Variants in KIF3A observed in about 807,000 individuals in gnomAD.
KIF3A encodes kinesin family member 3A.
A neutral mutation model predicts 92.6 loss-of-function variants in KIF3A; 27 were observed. The observed-to-expected ratio is 0.29, with a 90% CI of 0.21 to 0.40. The LOEUF (loss-of-function observed/expected upper bound fraction) is 0.40, where lower values mean the gene tolerates loss of function less well. Ranked by LOEUF, KIF3A falls within the 10% of genes least tolerant of loss-of-function variation. The pLI is 1.00. For missense variants in KIF3A, 581 were observed against 872.6 expected (o/e 0.67, Z 4.21); for synonymous variants, 250 against 275.4 (o/e 0.91, Z 0.92).
chr5:132,727,404 T>C (rs1157360464), intron 2 of KIF3A, among the ~76,000 whole-genome samples: 1 of 152,046 alleles, frequency 6.6e-6, no homozygotes, highest in African/African-American at 2.4e-5. Context: ...GGAATTGTAA[T>C]GGGAAAAAGG....
chr5:132,725,653 A>C (rs1754010322), intron 4 of KIF3A, among the ~76,000 whole-genome samples: 1 of 152,214 alleles, frequency 6.6e-6, no homozygotes, highest in Non-Finnish European at 1.5e-5. Flanking sequence ...GGAAGATTAA[A>C]TGAAATAAAT....
chr5:132,720,935 G>C (rs1399430895), intron 4 of KIF3A, among the ~76,000 whole-genome samples: 4 of 152,086 alleles, frequency 2.6e-5, no homozygotes, highest in African/African-American at 9.7e-5. Context: ...GAAAAATACA[G>C]AAAAAGTACA....
intron 2 of KIF3A, among the ~76,000 whole-genome samples, chr5:132,733,306 T>G (rs1004695531): frequency 1.3e-5 from 2 of 152,184 alleles, no homozygotes; most frequent in African/African-American, 4.8e-5. Context: ...CCTAAAGAAA[T>G]CAATTTCATC....
intron 15 of KIF3A, among the ~76,000 whole-genome samples, chr5:132,701,566 G>T (rs1050035624): frequency 1.3e-5 from 2 of 150,628 alleles, no homozygotes; most frequent in Non-Finnish European, 3.0e-5. Context: ...ACAAATTTTG[G>T]ATTAAAAAAA....
Position 132,724,809 on chromosome 5 carries a change from A to AAAAAT in KIF3A, c.510+1318_510+1319insATTTT, listed in dbSNP as rs1385956122. 5.8e-3 allele frequency among the ~76,000 whole-genome samples: 61 copies of AAAAAT among 10,502 alleles called. 3 individuals are homozygous for AAAAAT. The highest frequency in any genetic ancestry group is 0.013 in the Non-Finnish European group (52 of 3,966). 6.9% of individuals were successfully genotyped at this position (10,502 alleles called of 152,430 possible). ...AAGTATAATAAAAAAAAAAAAAAAT[A>AAAAAT]TATATATATATATATATATATATAT... is the stretch of plus-strand genomic sequence containing the variant. On this transcript the variant is annotated intron_variant, in intron 4 of 18. Transcript: ENST00000403231.
intron 17 of KIF3A, among the ~76,000 whole-genome samples, chr5:132,699,809 G>A (rs185139395): frequency 8.5e-5 from 13 of 152,062 alleles, no homozygotes; most frequent in Non-Finnish European, 1.5e-4. Context: ...TGATCCACCC[G>A]CCTCGGCCTC....
At chr5:132,722,738 C>T (rs1051537520) in intron 4 of KIF3A, among the ~76,000 whole-genome samples, 5 of 152,176 alleles carry the variant, frequency 3.3e-5, no homozygotes, top group Non-Finnish European at 7.3e-5. Context: ...TGCTTTATTT[C>T]GCTCCAAACT....
chr5:132,737,314 A>T, intron 1 of KIF3A, 100 bp downstream of exon 1: 3 of 1,354,422 alleles, frequency 2.2e-6, no homozygotes, highest in Non-Finnish European at 3.0e-6. Context: ...CGCCCCACCC[A>T]GGCCGCCTGC....
At chr5:132,724,806 A>AAAAAATTATAT (rs59476182) in intron 4 of KIF3A, among the ~76,000 whole-genome samples, 16 of 22,690 alleles carry the variant, frequency 7.1e-4, no homozygotes, top group East Asian at 5.2e-3. Flanking sequence ...AAAAAAAAAA[A>AAAAAATTATAT]ATATATATAT....
At position 132,695,162 on chromosome 5, in the gene KIF3A, CTTTATT is replaced by C. The variant is rs1752790431; in HGVS notation, c.*1466_*1471del. 2 of 152,100 alleles carry C rather than the reference CTTTATT, an allele frequency of 1.3e-5. No homozygotes were observed. Among genetic ancestry groups the C allele is most frequent in the South Asian group, 2.1e-4 (1 of 4,824 alleles). The allele number at this position is 152,100 out of a possible 1,614,324, so 9.4% of individuals were successfully genotyped here. ...ATTAAGTGGTTTAGGAGTAGCATAA[CTTTATT>C]TTTATTTTATTTTTATTTTTTGAGG... On this transcript the variant is annotated 3_prime_UTR_variant, in exon 19 of 19. Coordinates refer to ENST00000403231, the MANE Select transcript of KIF3A (RefSeq NM_001300791.2).
rs1752985446 is a variant in KIF3A, at chr5:132,700,199, T to TTTTG, written c.2007+16_2007+17insCAAA. Reference sequence around the variant, plus strand: ...GTAGTTTTGTGTTTTGTTTTGTTTTTTTTTAAGTACTCTTACATCTTTCTC... The same window carrying TTTTG: ...GTAGTTTTGTGTTTTGTTTTGTTTTTTTTGTTTTAAGTACTCTTACATCTTTCTC... On this transcript the variant is annotated intron_variant, in intron 17 of 18. Coordinates refer to ENST00000403231, the MANE Select transcript of KIF3A (RefSeq NM_001300791.2). 1 of 1,448,890 alleles carries TTTTG rather than the reference T, an allele frequency of 6.9e-7. No homozygotes were observed. Among genetic ancestry groups the TTTTG allele is most frequent in the African/African-American group, 1.4e-5 (1 of 70,122 alleles). The allele number at this position is 1,448,890 out of a possible 1,614,324, so 89.8% of individuals were successfully genotyped here.
chr5:132,689,482 A>G (rs1752613151), downstream of KIF3A: 1 of 152,384 alleles, frequency 6.6e-6, no homozygotes, highest in Non-Finnish European at 1.5e-5. Context: ...CAGATATTAT[A>G]GTCCTATCAG....
chr5:132,712,835 A>T (rs549381502), intron 8 of KIF3A, among the ~76,000 whole-genome samples: 26 of 152,334 alleles, frequency 1.7e-4, no homozygotes, highest in African/African-American at 6.3e-4. Flanking sequence ...AATTAGACTG[A>T]AGAACAAGTG....
intron 2 of KIF3A, among the ~76,000 whole-genome samples, chr5:132,727,897 T>C (rs1325173254): frequency 6.6e-6 from 1 of 152,182 alleles, no homozygotes; most frequent in East Asian, 1.9e-4. Context: ...ACCTCAACTT[T>C]TCTCAGACTT....
intron 9 of KIF3A, 53 bp downstream of exon 9, chr5:132,710,906 C>T: frequency 6.2e-7 from 1 of 1,612,346 alleles, no homozygotes; most frequent in Non-Finnish European, 8.5e-7. Context: ...TGCACTCTAC[C>T]ACCTTGTGAA....
chr5:132,713,946 G>C (rs183675257), intron 8 of KIF3A, among the ~76,000 whole-genome samples: 3 of 143,248 alleles, frequency 2.1e-5, no homozygotes, highest in Non-Finnish European at 4.5e-5. Flanking sequence ...ACCCAGGCTG[G>C]AGTGCAGTGG....
intron 4 of KIF3A, among the ~76,000 whole-genome samples, chr5:132,723,923 A>C (rs1753913029): frequency 6.6e-6 from 1 of 152,234 alleles, no homozygotes; most frequent in Non-Finnish European, 1.5e-5. Flanking sequence ...TAATATCCAG[A>C]ATCTACAAAG....
rs1415387919 is a variant in KIF3A, at chr5:132,693,214, G to A, written c.*3420C>T. On this transcript the variant is annotated 3_prime_UTR_variant, in exon 19 of 19. Coordinates refer to ENST00000403231, the MANE Select transcript of KIF3A (RefSeq NM_001300791.2). ...CCTTTCTCCAGAAAGGAAATGAAAT[G>A]GCTTGTCAAATGGATTCTATTCATG... 6.6e-6 allele frequency: 1 copy of A among 151,452 alleles called. No individual in the cohort carries two copies. Among genetic ancestry groups the A allele is most frequent in the African/African-American group, 2.4e-5 (1 of 41,238 alleles). 9.4% of individuals were successfully genotyped at this position (151,452 alleles called of 1,614,324 possible). A position where few individuals can be genotyped will look rare whatever the true frequency, so the allele number is the denominator to read the frequency against.
intron 5 of KIF3A, among the ~76,000 whole-genome samples, chr5:132,718,706 A>G (rs1233866440): frequency 2.0e-5 from 3 of 152,140 alleles, no homozygotes; most frequent in Non-Finnish European, 2.9e-5. Flanking sequence ...GGCTCACTGC[A>G]ACCTCTGCCT....
Sources: gnomAD v4.1 joint callset for allele counts (sites outside exome capture counted in the v4.1 genomes callset) on GRCh38, gnomAD v4.1.1 for gene constraint, MANE v1.5 for transcripts, NCBI Gene and HGNC (gene_info 2026-07-23, HGNC 2026-07-21) for gene names.